ARMH3: variants seen among roughly 807,000 people sequenced by gnomAD.
ARMH3 encodes armadillo-like helical domain-containing protein 3.
A neutral mutation model predicts 99.1 loss-of-function variants in ARMH3; 60 were observed. That is an observed-to-expected ratio of 0.61 (90% CI 0.49 to 0.75). The LOEUF (loss-of-function observed/expected upper bound fraction) is 0.75. ARMH3 is among the 30% of genes least tolerant of loss of function. The probability of loss-of-function intolerance (pLI) is 0.00; values close to 1 mark genes in which losing one functional copy is unlikely to be tolerated. For synonymous variants in ARMH3, 285 were observed against 292.8 expected (o/e 0.97, Z 0.27); for missense variants, 679 against 843.1 (o/e 0.81, Z 2.41).
intron 22 of ARMH3, among the ~76,000 whole-genome samples, chr10:101,943,367 A>G (rs934186549): frequency 1.3e-5 from 2 of 152,180 alleles, no homozygotes; most frequent in Non-Finnish European, 2.9e-5. Flanking sequence ...CACCAGCAAG[A>G]GTGGAAAGAC....
At chr10:101,964,636 G>GT (rs1456844673) in intron 20 of ARMH3, among the ~76,000 whole-genome samples, 1 of 152,204 alleles carries the variant, frequency 6.6e-6, no homozygotes, top group Non-Finnish European at 1.5e-5. Flanking sequence ...GACAAATGCT[G>GT]TTTAATTCCA....
At chr10:101,909,583 T>C (rs755703663) in intron 23 of ARMH3, among the ~76,000 whole-genome samples, 8 of 147,356 alleles carry the variant, frequency 5.4e-5, no homozygotes, top group Admixed American at 2.7e-4. Flanking sequence ...AATCCTCCTA[T>C]CTCAGCCGCC....
In ARMH3 at chr10:101,933,511, G is replaced by C. The variant is rs1010433396; in HGVS notation, c.1781+6352C>G. 9.2e-5 allele frequency among the ~76,000 whole-genome samples: 14 copies of C among 152,170 alleles called. 1 individual carries two copies. Among genetic ancestry groups the C allele is most frequent in the African/African-American group, 3.4e-4 (14 of 41,454 alleles). ...GTAAAACAGATGATTAACCACATGG[G>C]ATTCAGTATTTGGTTTTTTAATTCT... is the stretch of plus-strand genomic sequence containing the variant. On this transcript the variant is annotated intron_variant, in intron 23 of 25. Transcript: ENST00000370033.
chr10:101,956,015 T>C (rs977178858), intron 22 of ARMH3, among the ~76,000 whole-genome samples: 2 of 152,234 alleles, frequency 1.3e-5, no homozygotes, highest in Non-Finnish European at 2.9e-5. Flanking sequence ...TTAACCTTTA[T>C]ACTACAGGTA....
At chr10:102,041,074 A>C (rs1472209885) in intron 1 of ARMH3, among the ~76,000 whole-genome samples, 1 of 117,114 alleles carries the variant, frequency 8.5e-6, no homozygotes, top group Admixed American at 9.4e-5. Flanking sequence ...AATTGTGTGT[A>C]CATATATATA....
At chr10:101,965,305 C>T (rs900051555) in intron 20 of ARMH3, among the ~76,000 whole-genome samples, 6 of 152,186 alleles carry the variant, frequency 3.9e-5, no homozygotes, top group African/African-American at 1.4e-4. Flanking sequence ...CTGACATTCA[C>T]GTCAAAGTAC....
intron 23 of ARMH3, among the ~76,000 whole-genome samples, chr10:101,934,359 C>A (rs1321438211): frequency 1.3e-5 from 2 of 152,056 alleles, no homozygotes; most frequent in African/African-American, 4.8e-5. Flanking sequence ...AACAAAAAGA[C>A]CATGAAGTGA....
At chr10:102,024,453 AAAAT>A (rs1238518732) in intron 6 of ARMH3, among the ~76,000 whole-genome samples, 2 of 151,596 alleles carry the variant, frequency 1.3e-5, no homozygotes, top group African/African-American at 2.4e-5. Flanking sequence ...TCCACCTTGA[AAAAT>A]AAATAAATAA....
In ARMH3 at chr10:102,039,635, T is replaced by A. The variant is rs975321593; in HGVS notation, c.102+378A>T. 2.0e-5 allele frequency among the ~76,000 whole-genome samples: 3 copies of A among 152,168 alleles called. No homozygotes were observed. The South Asian group carries it at 6.2e-4, about 31-fold the overall frequency. ...AATGTATCCTTTAAAAGTATCTGAATTATAGAATTCTAGGTCCAAAAGAAA... is the reference window on the plus strand; with the variant it reads ...AATGTATCCTTTAAAAGTATCTGAAATATAGAATTCTAGGTCCAAAAGAAA... On this transcript the variant is annotated intron_variant, in intron 2 of 25. Transcript: ENST00000370033.
At chr10:101,881,130 A>C (rs2067406041) in intron 24 of ARMH3, among the ~76,000 whole-genome samples, 1 of 152,222 alleles carries the variant, frequency 6.6e-6, no homozygotes, top group Non-Finnish European at 1.5e-5. Context: ...ACTTTTGAAG[A>C]TATGTCTTAT....
intron 1 of ARMH3, among the ~76,000 whole-genome samples, chr10:102,046,063 C>T (rs1329188855): frequency 2.0e-5 from 3 of 151,740 alleles, no homozygotes; most frequent in East Asian, 1.9e-4. Context: ...CCATTGCACT[C>T]CAGCCTGGGC....
intron 1 of ARMH3, among the ~76,000 whole-genome samples, chr10:102,048,972 A>G (rs2067624225): frequency 6.6e-6 from 1 of 152,036 alleles, no homozygotes; most frequent in Admixed American, 6.6e-5. Context: ...CAGCCCTTCA[A>G]GCTATCTCCT....
chr10:101,869,192 G>A (rs776126366), intron 24 of ARMH3, among the ~76,000 whole-genome samples: 13 of 152,158 alleles, frequency 8.5e-5, no homozygotes, highest in Non-Finnish European at 1.5e-4. Context: ...TCTAACTTGG[G>A]TGTTGTTTAA....
At chr10:101,902,381 AG>A (rs1423071016) in intron 23 of ARMH3, among the ~76,000 whole-genome samples, 2 of 152,188 alleles carry the variant, frequency 1.3e-5, no homozygotes, top group African/African-American at 4.8e-5. Flanking sequence ...GAAGTAGGTA[AG>A]GTCCCTGTGT....
intron 23 of ARMH3, among the ~76,000 whole-genome samples, chr10:101,929,687 C>CA (rs1843641214): frequency 6.6e-6 from 1 of 150,670 alleles, no homozygotes; most frequent in Admixed American, 6.6e-5. Context: ...AGAAATAACG[C>CA]AAAAAATAGT....
chr10:101,876,968 T>C lies in ARMH3; in HGVS notation c.1860+12444A>G, dbSNP rs568985820. On this transcript the variant is annotated intron_variant, in intron 24 of 25. Transcript: ENST00000370033. ...CACACCTGTAATCCCGGCATTTGGATAGGCTGAGGTGGGAGGATCACCTGA... is the reference window on the plus strand; with the variant it reads ...CACACCTGTAATCCCGGCATTTGGACAGGCTGAGGTGGGAGGATCACCTGA... 4.6e-5 allele frequency among the ~76,000 whole-genome samples: 7 copies of C among 152,016 alleles called. No homozygotes were observed. In the South Asian group the frequency reaches 1.5e-3, roughly 32 times the overall value.
Position 102,023,824 on chromosome 10 carries a change from T to C in ARMH3, c.508-75A>G, listed in dbSNP as rs1231355802. The C allele has an allele frequency of 1.3e-4, 173 of 1,341,822 alleles. 2 individuals are homozygous for C. The Admixed American group carries it at 3.3e-3, about 26-fold the overall frequency. The allele number at this position is 1,341,822 out of a possible 1,614,324, so 83.1% of individuals were successfully genotyped here. A position where few individuals can be genotyped will look rare whatever the true frequency, so the allele number is the denominator to read the frequency against. On this transcript the variant is annotated intron_variant, in intron 6 of 25. Transcript: ENST00000370033. ...TCTTGTGTAATCTCCTCCCCTAACA[T>C]CTAAGAGAAACAAAAATATTAAAAT...
intron 20 of ARMH3, among the ~76,000 whole-genome samples, chr10:101,958,747 T>C (rs1168252128): frequency 1.3e-5 from 2 of 152,156 alleles, no homozygotes; most frequent in Non-Finnish European, 2.9e-5. Context: ...CATTCTCCCA[T>C]GCTGTCAGAG....
In ARMH3 at chr10:102,006,428, T is replaced by C. The variant is rs75259607; in HGVS notation, c.1048+112A>G. 2.1e-3 allele frequency: 2,534 copies of C among 1,230,646 alleles called. 41 individuals carry two copies. In the East Asian group the frequency reaches 0.028, roughly 13 times the overall value. The allele number at this position is 1,230,646 out of a possible 1,614,324, so 76.2% of individuals were successfully genotyped here. On this transcript the variant is annotated intron_variant, in intron 14 of 25. Transcript: ENST00000370033. The stretch of plus-strand genomic sequence containing the variant: ...CCTGAAGGATAGTACTACAGACCAA[T>C]TTAGTGGGAAAAATTAACAACTACG...
Sources: allele counts gnomAD v4.1 joint callset (sites outside exome capture counted in the v4.1 genomes callset), GRCh38; gene constraint gnomAD v4.1.1; transcripts MANE v1.5; gene names NCBI Gene and HGNC (gene_info 2026-07-23, HGNC 2026-07-21).